Variants in SAMD12 observed in about 807,000 individuals in gnomAD.
The protein encoded by SAMD12 is sterile alpha motif domain-containing protein 12.
In SAMD12, 9 loss-of-function variants were observed where a neutral mutation model predicts 15.0. The ratio of observed to expected loss-of-function variants is 0.60; its 90% CI spans 0.36 to 1.05. The LOEUF (loss-of-function observed/expected upper bound fraction) is 1.05, where lower values mean the gene tolerates loss of function less well. Among genes scored for constraint, SAMD12 ranks in the 50% least tolerant of loss-of-function variants. The pLI, the probability that SAMD12 is intolerant of heterozygous loss-of-function variation, is 0.01. For synonymous variants in SAMD12, 86 were observed against 90.1 expected (o/e 0.96, Z 0.25); for missense variants, 230 against 234.2 (o/e 0.98, Z 0.12).
intron 2 of SAMD12, among the ~76,000 whole-genome samples, chr8:118,499,630 T>C (rs749411572): frequency 4.6e-5 from 7 of 152,228 alleles, no homozygotes; most frequent in East Asian, 3.8e-4. Flanking sequence ...CATATGTCTA[T>C]GTGTTCAAGG....
chr8:118,154,506 C>T, the SAMD12 span, among the ~76,000 whole-genome samples: 7 of 152,104 alleles, frequency 4.6e-5, no homozygotes, highest in Admixed American at 2.6e-4. Context: ...GTGCATGTAT[C>T]GATTACTCAG....
chr8:118,384,677 C>T (rs1477033074), intron 3 of SAMD12, among the ~76,000 whole-genome samples: 1 of 152,180 alleles, frequency 6.6e-6, no homozygotes, highest in Non-Finnish European at 1.5e-5. Flanking sequence ...GGTAGCATTA[C>T]TGCTATTTTT....
Position 118,417,842 on chromosome 8 carries a change from T to C in SAMD12, c.322+21990A>G, listed in dbSNP as rs965461706. On this transcript the variant is annotated intron_variant, in intron 3 of 3. Transcript: ENST00000314727. Reference sequence around the variant, plus strand: ...TATAATAATCTATCATTAACAACAATTTCTTTAATATTCATTTCCTAAATG... The same window carrying C: ...TATAATAATCTATCATTAACAACAACTTCTTTAATATTCATTTCCTAAATG... Among the ~76,000 whole-genome samples, 3 of 152,214 alleles carry C rather than the reference T, an allele frequency of 2.0e-5. No homozygotes were observed. The East Asian group carries it at 5.8e-4, about 29-fold the overall frequency.
At chr8:118,511,452 G>GTTT (rs142995747) in intron 2 of SAMD12, among the ~76,000 whole-genome samples, 6 of 131,804 alleles carry the variant, frequency 4.6e-5, no homozygotes, top group South Asian at 2.6e-4. Context: ...TTTTGTTTTT[G>GTTT]TTTTTTTTTT....
chr8:118,463,799 G>T (rs1234922361), intron 2 of SAMD12, among the ~76,000 whole-genome samples: 3 of 151,988 alleles, frequency 2.0e-5, no homozygotes, highest in African/African-American at 7.3e-5. Context: ...AGCTGGGGGG[G>T]ATCAGACGGC....
At chr8:118,271,338 A>T (rs1426011981) in intron 4 of SAMD12, among the ~76,000 whole-genome samples, 3 of 152,130 alleles carry the variant, frequency 2.0e-5, no homozygotes, top group Non-Finnish European at 2.9e-5. Context: ...CATAAGGGTA[A>T]CTGTCCCCAT....
chr8:118,601,419 C>A (rs549749190), intron 1 of SAMD12, among the ~76,000 whole-genome samples: 2 of 152,150 alleles, frequency 1.3e-5, no homozygotes, highest in Non-Finnish European at 2.9e-5. Flanking sequence ...CATGCCTAGA[C>A]AGTGACTCTT....
At chr8:118,412,449 C>T (rs1056470841) in intron 3 of SAMD12, among the ~76,000 whole-genome samples, 14 of 152,092 alleles carry the variant, frequency 9.2e-5, no homozygotes, top group Non-Finnish European at 1.6e-4. Context: ...AGAAACAGTT[C>T]GTTGCTTGAG....
chr8:118,428,675 C>A (rs576505666), intron 3 of SAMD12, among the ~76,000 whole-genome samples: 1 of 151,520 alleles, frequency 6.6e-6, no homozygotes, highest in South Asian at 2.1e-4. Flanking sequence ...TATTCCAGTA[C>A]CCTGTAGTGA....
chr8:118,345,058 A>T (rs1817566878), intron 4 of SAMD12, among the ~76,000 whole-genome samples: 1 of 152,074 alleles, frequency 6.6e-6, no homozygotes, highest in African/African-American at 2.4e-5. Flanking sequence ...ACCCAGAGCA[A>T]CCTCCAGTCT....
intron 4 of SAMD12, among the ~76,000 whole-genome samples, chr8:118,322,928 A>T (rs1445165048): frequency 7.3e-6 from 1 of 137,020 alleles, no homozygotes; most frequent in Non-Finnish European, 1.6e-5. Flanking sequence ...ACCAAAATCC[A>T]TTCTTTCCTT....
At chr8:118,426,502 G>A (rs1822239161) in intron 3 of SAMD12, among the ~76,000 whole-genome samples, 1 of 152,172 alleles carries the variant, frequency 6.6e-6, no homozygotes, top group Admixed American at 6.5e-5. Context: ...CACATAGAAA[G>A]CCTCCAAGAA....
At chr8:118,194,062 C>G (rs1228878262) in exon 5 of SAMD12, 1 of 152,052 alleles carries the variant, frequency 6.6e-6, no homozygotes, top group East Asian at 1.9e-4. Flanking sequence ...TTTTGTTGTT[C>G]CTATGCAAAA....
chr8:118,415,780 C>T (rs944960883), intron 3 of SAMD12, among the ~76,000 whole-genome samples: 4 of 152,094 alleles, frequency 2.6e-5, no homozygotes, highest in African/African-American at 9.7e-5. Context: ...AATCTGCCCA[C>T]ATAAGTCAAA....
At chr8:118,208,962 A>G (rs1563695696) in intron 4 of SAMD12, among the ~76,000 whole-genome samples, 1 of 152,188 alleles carries the variant, frequency 6.6e-6, no homozygotes, top group Admixed American at 6.5e-5. Flanking sequence ...GAATCACTCT[A>G]TATACAAAAT....
intron 4 of SAMD12, among the ~76,000 whole-genome samples, chr8:118,294,758 T>A (rs1409202695): frequency 6.6e-6 from 1 of 152,240 alleles, no homozygotes; most frequent in Non-Finnish European, 1.5e-5. Context: ...TGTAGGGTCA[T>A]GCAACGAAAA....
intron 3 of SAMD12, among the ~76,000 whole-genome samples, chr8:118,390,732 G>C (rs576132476): frequency 5.3e-4 from 80 of 152,206 alleles, no homozygotes; most frequent in Admixed American, 2.0e-3. Flanking sequence ...CACTCACTTG[G>C]TTACATTTAG....
At chr8:118,522,023 T>C (rs921217251) in intron 2 of SAMD12, among the ~76,000 whole-genome samples, 1 of 152,094 alleles carries the variant, frequency 6.6e-6, no homozygotes, top group South Asian at 2.1e-4. Flanking sequence ...TATATGGTAA[T>C]ACAACATAAC....
At chr8:118,606,144 T>C (rs1390571848) in intron 1 of SAMD12, among the ~76,000 whole-genome samples, 2 of 152,158 alleles carry the variant, frequency 1.3e-5, no homozygotes, top group African/African-American at 4.8e-5. Context: ...ATTAGGTACC[T>C]TGGAGACCCC....
Sources: allele counts gnomAD v4.1 joint callset (sites outside exome capture counted in the v4.1 genomes callset), GRCh38; gene constraint gnomAD v4.1.1; transcripts MANE v1.5; gene names NCBI Gene and HGNC (gene_info 2026-07-23, HGNC 2026-07-21).